The following IFRD1 variants were observed in gnomAD, a reference collection of about 807,000 sequenced individuals.
IFRD1 encodes the protein interferon related developmental regulator 1, also known as interferon-related developmental regulator 1.
A neutral mutation model predicts 52.9 loss-of-function variants in IFRD1; 35 were observed. The observed-to-expected ratio is 0.66, with a 90% confidence interval of 0.51 to 0.88. The LOEUF (loss-of-function observed/expected upper bound fraction) is 0.88, where lower values mean the gene tolerates loss of function less well. Ranked by LOEUF, IFRD1 falls within the 40% of genes least tolerant of loss-of-function variation. The pLI is 0.00. For missense variants in IFRD1, 517 were observed against 550.8 expected (o/e 0.94, Z 0.61); for synonymous variants, 184 against 188.4 (o/e 0.98, Z 0.19).
intron 1 of IFRD1, among the ~76,000 whole-genome samples, chr7:112,432,845 A>C (rs1051791320): frequency 5.9e-5 from 9 of 152,304 alleles, no homozygotes; most frequent in Middle Eastern, 6.8e-3. Context: ...ATAAGGTCAC[A>C]AGAGTGTAAG....
chr7:112,457,090 ATCT>A, intron 4 of IFRD1, 52 bp downstream of exon 4: 2 of 1,589,626 alleles, frequency 1.3e-6, no homozygotes, highest in South Asian at 1.1e-5. Flanking sequence ...GGAGTGTGTT[ATCT>A]TCTTTTCAGT....
rs750749594 is a variant in IFRD1 at position 112,455,986 on chromosome 7, T to G, written c.200-16T>G. ...TTTCTTTTAAATTACGATGGCTGTT[T>G]TATATTATTTCTTAGGACCAGAAGT... On this transcript the variant is annotated splice_polypyrimidine_tract_variant and intron_variant, in intron 2 of 11. Coordinates refer to ENST00000403825, the MANE Select transcript of IFRD1 (RefSeq NM_001550.4). 3 of 1,553,966 alleles carry G rather than the reference T, an allele frequency of 1.9e-6. No individual in the cohort carries two copies. The highest frequency in any genetic ancestry group is 3.3e-5 in the Admixed American group (2 of 59,938).
rs1368419796 is a variant in IFRD1, at chr7:112,450,476, T to G, written c.-213T>G. The G allele has an allele frequency of 1.7e-6, 1 of 596,792 alleles. No individual in the cohort carries two copies. The highest frequency in any genetic ancestry group is 1.9e-5 in the African/African-American group (1 of 53,786). The allele number at this position is 596,792 out of a possible 1,614,324, so 37.0% of individuals were successfully genotyped here. On this transcript the variant is annotated 5_prime_UTR_variant, in exon 1 of 12. Coordinates refer to ENST00000403825, the MANE Select transcript of IFRD1 (RefSeq NM_001550.4). ...CCCTGCCCCGCCTTAGCTCCCGCGC[T>G]AGAGAGAAACATGTATCGTTTTCGA...
intron 4 of IFRD1, 28 bp from the exon 5 acceptor site, chr7:112,458,833 C>T (rs779480063): frequency 6.2e-6 from 10 of 1,607,538 alleles, no homozygotes; most frequent in South Asian, 5.5e-5. Flanking sequence ...AAAAGACTAT[C>T]GTGATTGCAT....
chr7:112,454,754 ATTC>A (rs151042912), intron 1 of IFRD1, among the ~76,000 whole-genome samples: 4,149 of 150,032 alleles, frequency 0.028, 96 homozygotes, highest in Admixed American at 0.056. Context: ...TATTTGTCTT[ATTC>A]TTATGATTAT....
At chr7:112,460,515 AT>A (rs1699176704) in intron 5 of IFRD1, among the ~76,000 whole-genome samples, 1 of 151,964 alleles carries the variant, frequency 6.6e-6, no homozygotes, top group Non-Finnish European at 1.5e-5. Context: ...AAGTGTTGAG[AT>A]TATGGGTGTG....
rs566279187 is a variant in IFRD1, at chr7:112,472,697, C to T, written c.1171-69C>T. 99 of 961,550 alleles carry T rather than the reference C, an allele frequency of 1.0e-4. No individual in the cohort carries two copies. In the African/African-American group the frequency reaches 1.1e-3, roughly 10 times the overall value. The allele number at this position is 961,550 out of a possible 1,614,324, so 59.6% of individuals were successfully genotyped here. On this transcript the variant is annotated intron_variant, in intron 10 of 11. Transcript: ENST00000403825. ...CCACATAACTTCTGTTAATCAGAGT[C>T]ACTCTGTCTAGTGAAAAAGAGCTAT...
chr7:112,447,793 T>C (rs953456660), upstream of IFRD1, among the ~76,000 whole-genome samples: 18 of 152,216 alleles, frequency 1.2e-4, no homozygotes, highest in African/African-American at 3.6e-4. Flanking sequence ...TTGTGATGTT[T>C]GCACTGGTCT....
chr7:112,449,819 C>T (rs1367589366), upstream of IFRD1, among the ~76,000 whole-genome samples: 1 of 19,958 alleles, frequency 5.0e-5, no homozygotes, highest in South Asian at 1.2e-3. Flanking sequence ...GAAAGCATCC[C>T]TTTTTTTGGG....
intron 1 of IFRD1, among the ~76,000 whole-genome samples, chr7:112,436,759 T>C (rs1214490564): frequency 1.3e-5 from 2 of 152,138 alleles, no homozygotes; most frequent in East Asian, 3.9e-4. Flanking sequence ...ATTTATTATA[T>C]ATGTGCCTAT....
chr7:112,442,919 TA>T (rs1338940420), intron 1 of IFRD1, among the ~76,000 whole-genome samples: 1 of 152,228 alleles, frequency 6.6e-6, no homozygotes, highest in Admixed American at 6.5e-5. Flanking sequence ...GAAAAAATGA[TA>T]AATATCTGTT....
At chr7:112,460,384 A>T (rs761756357) in intron 5 of IFRD1, among the ~76,000 whole-genome samples, 9 of 150,740 alleles carry the variant, frequency 6.0e-5, no homozygotes, top group Non-Finnish European at 1.2e-4. Context: ...AGCTGGGACT[A>T]TAGGCATGTA....
chr7:112,454,726 C>T (rs1291624119), intron 1 of IFRD1, among the ~76,000 whole-genome samples: 2 of 152,058 alleles, frequency 1.3e-5, no homozygotes, highest in Non-Finnish European at 2.9e-5. Flanking sequence ...TAAGTCCAGC[C>T]ATTCTCATTG....
At chr7:112,471,976 G>A (rs939951532) in intron 9 of IFRD1, among the ~76,000 whole-genome samples, 1 of 152,080 alleles carries the variant, frequency 6.6e-6, no homozygotes, top group South Asian at 2.1e-4. Context: ...CAACAATGTG[G>A]TTTTTGCCTT....
chr7:112,428,042 A>G (rs1794465837), intron 1 of IFRD1, among the ~76,000 whole-genome samples: 1 of 152,174 alleles, frequency 6.6e-6, no homozygotes, highest in Non-Finnish European at 1.5e-5. Flanking sequence ...GAGCCTGGTA[A>G]AGAGAGTTTA....
upstream of IFRD1, chr7:112,450,418 T>TGGC (rs1795122438): frequency 2.0e-6 from 1 of 504,796 alleles, no homozygotes; most frequent in Non-Finnish European, 3.6e-6. Flanking sequence ...TGACGTCAGG[T>TGGC]GGCGGTATTG....
chr7:112,427,518 C>T (rs908071692), intron 1 of IFRD1, among the ~76,000 whole-genome samples: 1 of 152,144 alleles, frequency 6.6e-6, no homozygotes, highest in African/African-American at 2.4e-5. Flanking sequence ...TTAGCAATTA[C>T]CCTAATAAAC....
intron 11 of IFRD1, among the ~76,000 whole-genome samples, chr7:112,473,781 A>G (rs1795824287): frequency 6.6e-6 from 1 of 152,128 alleles, no homozygotes; most frequent in African/African-American, 2.4e-5. Flanking sequence ...TGAAATTCAT[A>G]TAACAGACTA....
In IFRD1 at chr7:112,475,983, G is replaced by A. The variant is rs1442303566; in HGVS notation, c.*464G>A. 2.4e-5 allele frequency: 4 copies of A among 165,300 alleles called. No individual in the cohort carries two copies. The highest frequency in any genetic ancestry group is 9.6e-5 in the African/African-American group (4 of 41,456). 10.2% of individuals were successfully genotyped at this position (165,300 alleles called of 1,614,324 possible). ...AATGGAATGTAGCTTTTAAAATCCT[G>A]TCACTGGCATCAACAAAAGGAATTA... On this transcript the variant is annotated 3_prime_UTR_variant, in exon 12 of 12. Transcript: ENST00000403825.
Sources: allele counts gnomAD v4.1 joint callset (sites outside exome capture counted in the v4.1 genomes callset), GRCh38; gene constraint gnomAD v4.1.1; transcripts MANE v1.5; gene names NCBI Gene and HGNC (gene_info 2026-07-23, HGNC 2026-07-21).